Variants in PKD1L3 observed in about 807,000 individuals in gnomAD.
The protein encoded by PKD1L3 is polycystin-1-like protein 3.
In PKD1L3, 239 loss-of-function variants were observed where a neutral mutation model predicts 184.1. That is an observed-to-expected ratio of 1.30 (90% confidence interval 1.17 to 1.45). The LOEUF (loss-of-function observed/expected upper bound fraction) is 1.45. Among genes scored for constraint, PKD1L3 ranks in the 40% most tolerant of loss-of-function variants. PKD1L3 has a pLI of 0.00. For missense variants in PKD1L3, 2,660 were observed against 2,067.2 expected (o/e 1.29, Z -5.56); for synonymous variants, 996 against 778.8 (o/e 1.28, Z -4.64).
intron 15 of PKD1L3, among the ~76,000 whole-genome samples, chr16:71,966,066 A>G (rs2143571043): frequency 6.6e-6 from 1 of 152,126 alleles, no homozygotes; most frequent in East Asian, 1.9e-4. Flanking sequence ...CTACCAGCCC[A>G]GTGGCTGGTA....
chr16:71,933,529 G>C lies in PKD1L3; in HGVS notation c.4825-8C>G. 3 of 1,539,506 alleles carry C rather than the reference G, an allele frequency of 1.9e-6. No homozygotes were observed. The highest frequency in any genetic ancestry group is 2.6e-6 in the Non-Finnish European group (3 of 1,135,740). ...TCCAAACAGCAGGTTAAACTGAACAGAAGGAGAAAGGCCAGTTAGTGCAAG... is the reference window on the plus strand; with the variant it reads ...TCCAAACAGCAGGTTAAACTGAACACAAGGAGAAAGGCCAGTTAGTGCAAG... On this transcript the variant is annotated splice_region_variant and splice_polypyrimidine_tract_variant and intron_variant, in intron 27 of 29. Coordinates refer to ENST00000620267, the MANE Select transcript of PKD1L3 (RefSeq NM_181536.2).
intron 22 of PKD1L3, among the ~76,000 whole-genome samples, chr16:71,944,801 C>G (rs1352507167): frequency 6.8e-6 from 1 of 147,590 alleles, no homozygotes; most frequent in African/African-American, 2.5e-5. Context: ...CAGATTCAAG[C>G]GATTCTCTTG....
chr16:71,973,014 A>T (rs148443045), intron 12 of PKD1L3, among the ~76,000 whole-genome samples: 133 of 152,332 alleles, frequency 8.7e-4, no homozygotes, highest in Non-Finnish European at 1.6e-3. Context: ...TTACCCACCC[A>T]CAACATATTT....
intron 25 of PKD1L3, 131 bp downstream of exon 25, chr16:71,937,160 AT>A: frequency 1.1e-6 from 1 of 892,742 alleles, no homozygotes; most frequent in Middle Eastern, 2.3e-4. Context: ...GGCTCAAGCA[AT>A]TCTCACATCT....
At chr16:71,947,904 G>A (rs2038680786) in intron 21 of PKD1L3, among the ~76,000 whole-genome samples, 1 of 145,030 alleles carries the variant, frequency 6.9e-6, no homozygotes, top group Non-Finnish European at 1.5e-5. Context: ...GAAAACCTCT[G>A]ATAAAGATCC....
intron 19 of PKD1L3, among the ~76,000 whole-genome samples, chr16:71,951,303 G>C (rs982556271): frequency 2.6e-5 from 4 of 151,892 alleles, no homozygotes; most frequent in African/African-American, 9.7e-5. Flanking sequence ...GCCTCTCAAA[G>C]TGCCGGGATT....
At chr16:71,977,562 T>TCCA in intron 10 of PKD1L3, 95 bp from the exon 11 acceptor site, 2 of 630,226 alleles carry the variant, frequency 3.2e-6, no homozygotes, top group Non-Finnish European at 2.4e-6. Flanking sequence ...TCCTAGCTCT[T>TCCA]TTTTTTTTTT....
chr16:71,977,006 G>A (rs1240361370), intron 11 of PKD1L3, among the ~76,000 whole-genome samples: 1 of 152,210 alleles, frequency 6.6e-6, no homozygotes, highest in Non-Finnish European at 1.5e-5. Flanking sequence ...GCCTCCCAAA[G>A]TGCTGGGATT....
intron 28 of PKD1L3, among the ~76,000 whole-genome samples, chr16:71,932,872 T>G (rs1213159284): frequency 1.3e-5 from 2 of 148,328 alleles, no homozygotes; most frequent in Admixed American, 6.9e-5. Context: ...TTCCAACTCC[T>G]GGGCTCACAG....
chr16:71,929,717 G>A (rs1484577840), intron 29 of PKD1L3, 39 bp from the exon 30 acceptor site: 1 of 1,485,044 alleles, frequency 6.7e-7, no homozygotes, highest in Non-Finnish European at 9.0e-7. Context: ...TGAGAAAATT[G>A]AAATTACTGC....
Position 72,000,058 on chromosome 16 carries a change from T to C in PKD1L3, c.-80A>G. 8.5e-7 allele frequency: 1 copy of C among 1,179,484 alleles called. No homozygotes were observed. 73.1% of individuals were successfully genotyped at this position (1,179,484 alleles called of 1,614,324 possible). On this transcript the variant is annotated 5_prime_UTR_variant, in exon 1 of 30. Transcript: ENST00000620267. ...TTAAATATATATATTGGCGGGCTTG[T>C]CTTATTAGTATTATTCTTTTATGAA...
Position 71,951,653 on chromosome 16 carries a change from G to C in PKD1L3, c.3101C>G (p.Thr1034Ser). The C allele has an allele frequency of 6.4e-7, 1 of 1,551,734 alleles. No homozygotes were observed. The highest frequency in any genetic ancestry group is 8.7e-7 in the Non-Finnish European group (1 of 1,146,992). The part of the protein sequence containing the change: ...EQPPWSSWDI[T>S]KLVKLLSSLV... The stretch of plus-strand genomic sequence containing the variant: ...GCTGGATAAAAGTTTCACCAGCTTA[G>C]TAATGTCCCAAGAACTCCATGGCGG... Residue 1034 changes from threonine (T) to serine (S), a missense_variant, in exon 19 of 30, where the codon ACT (threonine) becomes AGT (serine). Coordinates refer to ENST00000620267, the MANE Select transcript of PKD1L3 (RefSeq NM_181536.2).
intron 25 of PKD1L3, among the ~76,000 whole-genome samples, chr16:71,935,902 C>A (rs1377530554): frequency 6.6e-6 from 1 of 152,054 alleles, no homozygotes; most frequent in Non-Finnish European, 1.5e-5. Flanking sequence ...CTCAAGCAGT[C>A]CTCCTACCTC....
chr16:71,991,341 A>G (rs1263346221), intron 3 of PKD1L3: 2 of 212,402 alleles, frequency 9.4e-6, no homozygotes, highest in Non-Finnish European at 1.1e-5. Context: ...CACCATGATG[A>G]TGGAGAAAGG....
chr16:71,930,284 C>G, intron 28 of PKD1L3, 101 bp from the exon 29 acceptor site: 3 of 1,256,990 alleles, frequency 2.4e-6, no homozygotes, highest in Non-Finnish European at 3.1e-6. Flanking sequence ...AGAAGAAAAG[C>G]TTATCCGAAG....
At position 71,977,472 on chromosome 16, in the gene PKD1L3, A is replaced by C. The variant is rs763600860; in HGVS notation, c.1528-5T>G. The stretch of plus-strand genomic sequence containing the variant: ...AACATTTCTCCAGAGCATGATCTAG[A>C]ATAAGAGACAGTTAATCATTATAAT... On this transcript the variant is annotated splice_polypyrimidine_tract_variant and splice_region_variant and intron_variant, in intron 10 of 29. Coordinates refer to ENST00000620267, the MANE Select transcript of PKD1L3 (RefSeq NM_181536.2). 16 of 1,531,898 alleles carry C rather than the reference A, an allele frequency of 1.0e-5. No homozygotes were observed. In the South Asian group the frequency reaches 1.3e-4, roughly 13 times the overall value. The allele number at this position is 1,531,898 out of a possible 1,614,324, so 94.9% of individuals were successfully genotyped here. A position where few individuals can be genotyped will look rare whatever the true frequency, so the allele number is the denominator to read the frequency against.
intron 28 of PKD1L3, among the ~76,000 whole-genome samples, chr16:71,933,201 G>T (rs2038048901): frequency 6.6e-6 from 1 of 152,142 alleles, no homozygotes; most frequent in African/African-American, 2.4e-5. Flanking sequence ...AAGTGAGGAA[G>T]GAGGGACTGA....
At chr16:71,941,643 G>C (rs565151750) in intron 24 of PKD1L3, among the ~76,000 whole-genome samples, 95 of 144,546 alleles carry the variant, frequency 6.6e-4, no homozygotes, top group African/African-American at 2.2e-3. Context: ...GGAGAGCAGT[G>C]GCACCGTCTC....
intron 4 of PKD1L3, among the ~76,000 whole-genome samples, chr16:71,987,833 G>GGA (rs140634557): frequency 7.4e-4 from 112 of 152,142 alleles, no homozygotes; most frequent in Non-Finnish European, 1.4e-3. Flanking sequence ...TTGAATACAG[G>GGA]GAGAGAGAGA....
Sources: gnomAD v4.1 joint callset for allele counts (sites outside exome capture counted in the v4.1 genomes callset) on GRCh38, gnomAD v4.1.1 for gene constraint, MANE v1.5 for transcripts, NCBI Gene and HGNC (gene_info 2026-07-23, HGNC 2026-07-21) for gene names.